TTC21B: variants seen among roughly 807,000 people sequenced by gnomAD.
TTC21B encodes the protein tetratricopeptide repeat protein 21B.
A neutral mutation model predicts 175.1 loss-of-function variants in TTC21B; 127 were observed. The observed-to-expected ratio is 0.73, with a 90% confidence interval of 0.63 to 0.84. The LOEUF (loss-of-function observed/expected upper bound fraction) is 0.84, where lower values mean the gene tolerates loss of function less well. Ranked by LOEUF, TTC21B falls within the 40% of genes least tolerant of loss-of-function variation. The probability of loss-of-function intolerance (pLI) is 0.00; values close to 1 mark genes in which losing one functional copy is unlikely to be tolerated. For missense variants in TTC21B, 1,561 were observed against 1,558.3 expected, an observed-to-expected ratio of 1.00 and a Z score of -0.03; for synonymous variants, 524 against 524.5, an observed-to-expected ratio of 1.00 and a Z score of 0.01.
chr2:165,919,794 C>A (rs1189123373), intron 12 of TTC21B, among the ~76,000 whole-genome samples: 1 of 152,070 alleles, frequency 6.6e-6, no homozygotes. Context: ...AGAACAAAAA[C>A]ATTTGAATAG....
intron 6 of TTC21B, among the ~76,000 whole-genome samples, chr2:165,935,783 G>A (rs767941282): frequency 3.9e-5 from 6 of 152,102 alleles, no homozygotes; most frequent in Non-Finnish European, 5.9e-5. Flanking sequence ...TTTCTATGAG[G>A]AAAATTTTTA....
intron 25 of TTC21B, among the ~76,000 whole-genome samples, chr2:165,884,491 T>C (rs905318047): frequency 1.3e-5 from 2 of 152,190 alleles, no homozygotes; most frequent in African/African-American, 4.8e-5. Context: ...ATGACTTCTA[T>C]TGCTTTTTTT....
At chr2:165,934,233 T>C (rs1328729889) in intron 6 of TTC21B, among the ~76,000 whole-genome samples, 2 of 152,098 alleles carry the variant, frequency 1.3e-5, no homozygotes, top group African/African-American at 2.4e-5. Flanking sequence ...CAAAATCTTC[T>C]ATGGCTTCTT....
rs144130537 is a variant in TTC21B, at chr2:165,880,777, T to C, written c.3707A>G (p.Tyr1236Cys). 9 of 1,612,774 alleles carry C rather than the reference T, an allele frequency of 5.6e-6. No homozygotes were observed. In the African/African-American group the frequency reaches 1.2e-4, roughly 22 times the overall value. ...CTCTTTTTCCATAATGTATCCCATA[T>C]ATTCATAAGCTTTGCAGCAAGACTG... Reference protein sequence around the residue: ...HNRSCCKAYEYMGYIMEKEQA... With the variant: ...HNRSCCKAYECMGYIMEKEQA... The change falls in exon 27 of 29, where the codon TAT (tyrosine) becomes TGT (cysteine). Residue 1236 changes from tyrosine to cysteine, a missense_variant. Transcript: ENST00000243344.
chr2:165,951,269 G>A (rs2045693), intron 1 of TTC21B, among the ~76,000 whole-genome samples: 144,949 of 152,264 alleles, frequency 0.95, 69,383 homozygotes, highest in East Asian at 1. Flanking sequence ...TAAAAAGGAC[G>A]CGAATTTAAA....
intron 11 of TTC21B, 22 bp downstream of exon 11, chr2:165,929,113 A>G (rs936592103): frequency 6.2e-7 from 1 of 1,603,786 alleles, no homozygotes; most frequent in East Asian, 2.2e-5. Context: ...CATCCTTGAA[A>G]GTAAGTCCCA....
intron 5 of TTC21B, among the ~76,000 whole-genome samples, chr2:165,941,455 T>C (rs1385108489): frequency 7.2e-6 from 1 of 138,928 alleles, no homozygotes; most frequent in East Asian, 2.3e-4. Context: ...GGAAATACCA[T>C]AAAATAATGT....
chr2:165,920,532 A>G (rs1686349529), intron 12 of TTC21B, among the ~76,000 whole-genome samples: 1 of 152,196 alleles, frequency 6.6e-6, no homozygotes, highest in Non-Finnish European at 1.5e-5. Context: ...AAAAAGGAAG[A>G]GTTAGGCATA....
chr2:165,915,341 G>A lies in TTC21B; in HGVS notation c.1998C>T (p.Ala666=), dbSNP rs1027911619. ...VTIANADLAL[A]QGDIERALSI... ...TTAAAGCCCGTTCAATATCTCCTTGGGCTAGAGCAAGGTCTGCATTAGCAA... is the reference window on the plus strand; with the variant it reads ...TTAAAGCCCGTTCAATATCTCCTTGAGCTAGAGCAAGGTCTGCATTAGCAA... The change falls in exon 15 of 29, where the codon GCC becomes GCT. Residue 666 remains alanine (A), a synonymous_variant. Coordinates refer to ENST00000243344, the MANE Select transcript of TTC21B (RefSeq NM_024753.5). 1.2e-6 allele frequency: 2 copies of A among 1,613,764 alleles called. No homozygotes were observed. Among genetic ancestry groups the A allele is most frequent in the African/African-American group, 2.7e-5 (2 of 74,840 alleles).
chr2:165,947,018 C>T (rs910548699), intron 3 of TTC21B, among the ~76,000 whole-genome samples: 1 of 150,914 alleles, frequency 6.6e-6, no homozygotes, highest in African/African-American at 2.4e-5. Context: ...AAATACAATT[C>T]TAAAATATAT....
intron 18 of TTC21B, among the ~76,000 whole-genome samples, chr2:165,910,541 G>C (rs1685895487): frequency 6.6e-6 from 1 of 152,014 alleles, no homozygotes; most frequent in Non-Finnish European, 1.5e-5. Flanking sequence ...TGTACACTAA[G>C]GAATGATACA....
chr2:165,941,930 T>A (rs945095779), intron 5 of TTC21B, among the ~76,000 whole-genome samples: 1 of 152,186 alleles, frequency 6.6e-6, no homozygotes, highest in Non-Finnish European at 1.5e-5. Flanking sequence ...CAGATGTTAT[T>A]GTATTTTCTG....
intron 25 of TTC21B, among the ~76,000 whole-genome samples, chr2:165,886,569 T>C (rs991708860): frequency 6.6e-6 from 1 of 152,188 alleles, no homozygotes; most frequent in Non-Finnish European, 1.5e-5. Context: ...TTGAATAATA[T>C]GGTTAGTAAA....
In TTC21B at chr2:165,953,725, C is replaced by T; in HGVS notation, c.-20G>A. 1 of 1,545,812 alleles carries T rather than the reference C, an allele frequency of 6.5e-7. No homozygotes were observed. ...GTCCATGGCTGCCCCGAGGCCGGGC[C>T]GCGGGGCTCTGGGGATTGTCTCGCC... On this transcript the variant is annotated 5_prime_UTR_variant, in exon 1 of 29. Transcript: ENST00000243344.
chr2:165,891,781 T>A (rs946101111), intron 22 of TTC21B, among the ~76,000 whole-genome samples: 1 of 113,408 alleles, frequency 8.8e-6, no homozygotes, highest in Non-Finnish European at 1.8e-5. Context: ...ATAAGGAAAA[T>A]ATATATAAAA....
At chr2:165,876,142 G>T (rs1392080031) in intron 28 of TTC21B, 23 bp downstream of exon 28, 2 of 1,501,392 alleles carry the variant, frequency 1.3e-6, no homozygotes, top group Admixed American at 1.7e-5. Flanking sequence ...AAAATTTTAA[G>T]AAATCTAAAT....
Position 165,890,998 on chromosome 2 carries a change from A to G in TTC21B, c.2951-10T>C. 1 of 1,605,788 alleles carries G rather than the reference A, an allele frequency of 6.2e-7. No individual in the cohort carries two copies. The highest frequency in any genetic ancestry group is 1.1e-5 in the South Asian group (1 of 90,878). ...AATGTCATATAATTATCTAGAAACA[A>G]ATAATACTTCAGATATGGGCACCAT... On this transcript the variant is annotated splice_polypyrimidine_tract_variant and intron_variant, in intron 22 of 28. Coordinates refer to ENST00000243344, the MANE Select transcript of TTC21B (RefSeq NM_024753.5).
chr2:165,899,748 T>C, intron 21 of TTC21B, 22 bp downstream of exon 21: 1 of 1,490,970 alleles, frequency 6.7e-7, no homozygotes, highest in East Asian at 2.3e-5. Flanking sequence ...GCTTTTATTG[T>C]ACTGAAGTTC....
rs59806477 is a variant in TTC21B at position 165,947,169 on chromosome 2, C to CATATATATATATATATATATATATATAT, written c.263-1480_263-1479insATATATATATATATATATATATATATAT. On this transcript the variant is annotated intron_variant, in intron 3 of 28. Transcript: ENST00000243344. Reference sequence around the variant, plus strand: ...CTCTCTCTCTCTCTCTCCCCTCCCCCATATATATATATATATATATATATT... The same window carrying CATATATATATATATATATATATATATAT: ...CTCTCTCTCTCTCTCTCCCCTCCCCCATATATATATATATATATATATATATATATATATATATATATATATATATATT... 6.2e-3 allele frequency: 568 copies of CATATATATATATATATATATATATATAT among 91,492 alleles called. 22 individuals are homozygous for CATATATATATATATATATATATATATAT. Among genetic ancestry groups the CATATATATATATATATATATATATATAT allele is most frequent in the Middle Eastern group, 0.01 (2 of 200 alleles). The allele number at this position is 91,492 out of a possible 1,614,324, so 5.7% of individuals were successfully genotyped here. A position where few individuals can be genotyped will look rare whatever the true frequency, so the allele number is the denominator to read the frequency against.
Sources: gnomAD v4.1 joint callset for allele counts (sites outside exome capture counted in the v4.1 genomes callset) on GRCh38, gnomAD v4.1.1 for gene constraint, MANE v1.5 for transcripts, NCBI Gene and HGNC (gene_info 2026-07-23, HGNC 2026-07-21) for gene names.